The following DKK4 variants were observed in gnomAD, a reference collection of about 807,000 sequenced individuals.
DKK4 encodes dickkopf Wnt signaling pathway inhibitor 4.
A neutral mutation model predicts 14.5 loss-of-function variants in DKK4; 15 were observed. The ratio of observed to expected loss-of-function variants is 1.03; its 90% confidence interval spans 0.69 to 1.59. The LOEUF is 1.59. DKK4 is among the 40% of genes most tolerant of loss of function. The probability of loss-of-function intolerance (pLI) is 0.00; values close to 1 mark genes in which losing one functional copy is unlikely to be tolerated. For missense variants in DKK4, 272 were observed against 280.3 expected (o/e 0.97, Z 0.21); for synonymous variants, 89 against 105.2 (o/e 0.85, Z 0.94).
At chr8:42,379,423 A>G (rs182103627), upstream of DKK4, among the ~76,000 whole-genome samples, 141 of 122,980 alleles carry the variant, frequency 1.1e-3, no homozygotes, top group African/African-American at 4.2e-3. Flanking sequence ...AGAGAGAGAG[A>G]GAGAAAGATT....
At chr8:42,382,002 CA>C (rs1824687613), upstream of DKK4, among the ~76,000 whole-genome samples, 3 of 152,098 alleles carry the variant, frequency 2.0e-5, no homozygotes, top group Non-Finnish European at 4.4e-5. Flanking sequence ...ATCTAAAAAA[CA>C]AAAACAAAAA....
chr8:42,380,645 T>A (rs1273664161), upstream of DKK4, among the ~76,000 whole-genome samples: 730 of 65,248 alleles, frequency 0.011, no homozygotes, highest in Middle Eastern at 0.13. Flanking sequence ...GGAAAGAAAG[T>A]GAGAGAAAGG....
At chr8:42,389,421 A>G in the DKK4 span, among the ~76,000 whole-genome samples, 3 of 152,210 alleles carry the variant, frequency 2.0e-5, no homozygotes, top group South Asian at 6.2e-4. Context: ...TATTTCGCCT[A>G]CTAGGTTATA....
the DKK4 span, among the ~76,000 whole-genome samples, chr8:42,386,464 G>A: frequency 2.0e-5 from 3 of 152,070 alleles, no homozygotes; most frequent in Non-Finnish European, 4.4e-5. Context: ...ATGTCCGCTA[G>A]ATGTTGGCCA....
At chr8:42,385,711 G>A in the DKK4 span, among the ~76,000 whole-genome samples, 2 of 152,086 alleles carry the variant, frequency 1.3e-5, no homozygotes, top group Non-Finnish European at 2.9e-5. Context: ...CCCAATTTCT[G>A]GTGGAAATTT....
At chr8:42,384,362 T>C in the DKK4 span, among the ~76,000 whole-genome samples, 1 of 152,184 alleles carries the variant, frequency 6.6e-6, no homozygotes, top group Non-Finnish European at 1.5e-5. Context: ...AGGCTGGTCT[T>C]GAACTCTTGG....
chr8:42,375,807 C>T lies in DKK4; in HGVS notation c.135G>A (p.Thr45=), dbSNP rs748227396. The change falls in exon 2 of 4, where the codon ACG becomes ACA. Residue 45 remains threonine (T), a synonymous_variant. Coordinates refer to ENST00000220812, the MANE Select transcript of DKK4 (RefSeq NM_014420.3). Reference sequence around the variant, plus strand: ...GGCAGAACTTTCTGGTATTGCAGTCCGTGTCAGACAGGCACTGTGAGCCCT... The same window carrying T: ...GGCAGAACTTTCTGGTATTGCAGTCTGTGTCAGACAGGCACTGTGAGCCCT... ...ARKGSQCLSD[T]DCNTRKFCLQ... 58 of 1,613,902 alleles carry T rather than the reference C, an allele frequency of 3.6e-5. No individual in the cohort carries two copies. In the Admixed American group the frequency reaches 7.5e-4, roughly 21 times the overall value.
chr8:42,377,268 G>A (rs751127755), upstream of DKK4: 56 of 528,350 alleles, frequency 1.1e-4, no homozygotes, highest in Non-Finnish European at 1.7e-4. Flanking sequence ...ATAACCAGAT[G>A]TGCCTCCTCC....
upstream of DKK4, among the ~76,000 whole-genome samples, chr8:42,381,723 C>T (rs991676508): frequency 4.6e-5 from 7 of 152,304 alleles, no homozygotes; most frequent in South Asian, 2.1e-4. Flanking sequence ...TCGAGCCAGG[C>T]GCGGTGGCTC....
At chr8:42,379,374 TATATAGAGAGAGAGAGAGAGAGAG>T (rs1824624966), upstream of DKK4, among the ~76,000 whole-genome samples, 3 of 48,380 alleles carry the variant, frequency 6.2e-5, 1 homozygote, top group East Asian at 6.5e-4. Context: ...TATATATATA[TATATAGAGAGAGAGAGAGAGAGAG>T]AGAGAGAGAG....
the DKK4 span, among the ~76,000 whole-genome samples, chr8:42,383,815 C>T: frequency 2.6e-5 from 4 of 152,112 alleles, no homozygotes; most frequent in South Asian, 2.1e-4. Flanking sequence ...TGGTGGTGCG[C>T]GCCTGTAATC....
intron 3 of DKK4, 60 bp downstream of exon 3, chr8:42,374,701 A>C: frequency 6.2e-7 from 1 of 1,602,618 alleles, no homozygotes; most frequent in South Asian, 1.1e-5. Flanking sequence ...CCTATCCTTA[A>C]GAGGCTGGGA....
At chr8:42,379,270 C>T (rs1288520537), upstream of DKK4, among the ~76,000 whole-genome samples, 2 of 144,176 alleles carry the variant, frequency 1.4e-5, no homozygotes, top group Non-Finnish European at 3.0e-5. Context: ...AAAAATTAGC[C>T]AGTCATAGTG....
chr8:42,379,366 TATATATATATATAGAGAGAG>T (rs1371902006), upstream of DKK4, among the ~76,000 whole-genome samples: 4 of 47,794 alleles, frequency 8.4e-5, no homozygotes, highest in African/African-American at 3.4e-4. Context: ...TATATATATA[TATATATATATATAGAGAGAG>T]AGAGAGAGAG....
At chr8:42,381,735 C>T (rs545637197), upstream of DKK4, among the ~76,000 whole-genome samples, 2 of 152,312 alleles carry the variant, frequency 1.3e-5, no homozygotes, top group African/African-American at 4.8e-5. Context: ...CGGTGGCTCA[C>T]GCCTGTAATC....
At chr8:42,389,407 A>C in the DKK4 span, among the ~76,000 whole-genome samples, 1 of 152,354 alleles carries the variant, frequency 6.6e-6, no homozygotes, top group South Asian at 2.1e-4. Flanking sequence ...TCCTAAGCTC[A>C]CTTTATTTCG....
chr8:42,382,873 T>C, the DKK4 span, among the ~76,000 whole-genome samples: 2 of 152,176 alleles, frequency 1.3e-5, no homozygotes, highest in Non-Finnish European at 2.9e-5. Context: ...GGGTAAAAAT[T>C]GCAGACTCGT....
At chr8:42,376,700 C>T (rs1245482220) in intron 1 of DKK4, among the ~76,000 whole-genome samples, 1 of 152,122 alleles carries the variant, frequency 6.6e-6, no homozygotes, top group Non-Finnish European at 1.5e-5. Context: ...TCGTTTATTT[C>T]GTGATTTATA....
chr8:42,385,142 A>G, the DKK4 span, among the ~76,000 whole-genome samples: 1 of 152,352 alleles, frequency 6.6e-6, no homozygotes, highest in African/African-American at 2.4e-5. Context: ...CTCTAATTCC[A>G]GCACTTTGGG....
Sources: allele counts gnomAD v4.1 joint callset (sites outside exome capture counted in the v4.1 genomes callset), GRCh38; gene constraint gnomAD v4.1.1; transcripts MANE v1.5; gene names NCBI Gene and HGNC (gene_info 2026-07-23, HGNC 2026-07-21).